Variants in COL24A1 observed in about 807,000 individuals in gnomAD.
COL24A1 encodes collagen alpha-1(XXIV) chain.
COL24A1 carries 224 observed loss-of-function variants against 253.9 expected under a neutral mutation model. The observed-to-expected ratio is 0.88, with a 90% CI of 0.79 to 0.99. COL24A1 has a LOEUF of 0.99. Ranked by LOEUF, COL24A1 falls within the 50% of genes least tolerant of loss-of-function variation. COL24A1 has a pLI of 0.00. For synonymous variants in COL24A1, 685 were observed against 673.7 expected (o/e 1.02, Z -0.26); for missense variants, 2,131 against 2,068.5 (o/e 1.03, Z -0.59).
At chr1:85,856,301 T>C (rs934055967) in intron 37 of COL24A1, among the ~76,000 whole-genome samples, 6 of 152,146 alleles carry the variant, frequency 3.9e-5, no homozygotes. Context: ...TAGATATTTT[T>C]CTAACTTTTT....
At chr1:85,830,221 C>T (rs1297861394) in intron 43 of COL24A1, among the ~76,000 whole-genome samples, 3 of 152,076 alleles carry the variant, frequency 2.0e-5, no homozygotes, top group African/African-American at 7.2e-5. Context: ...GGGTGCCTCC[C>T]AGTTAGGCTG....
intron 53 of COL24A1, among the ~76,000 whole-genome samples, chr1:85,770,780 G>T (rs1458832274): frequency 1.3e-5 from 2 of 152,218 alleles, no homozygotes; most frequent in Non-Finnish European, 2.9e-5. Context: ...AGTAGGGCCA[G>T]TATAAGCTAC....
intron 47 of COL24A1, among the ~76,000 whole-genome samples, chr1:85,787,195 G>T (rs1669770948): frequency 1.4e-5 from 2 of 145,626 alleles, no homozygotes; most frequent in South Asian, 4.4e-4. Flanking sequence ...TTATGGCAGA[G>T]TTTTTTTTTT....
rs527743929 is a variant in COL24A1 at position 86,148,773 on chromosome 1, A to G, written c.57-2590T>C. Among the ~76,000 whole-genome samples, 77 of 152,192 alleles carry G rather than the reference A, an allele frequency of 5.1e-4. No homozygotes were observed. In the South Asian group the frequency reaches 5.8e-3, roughly 12 times the overall value. ...ATTGTTGGACATTTGGGTTGGTTCCAAGTCTTTGCTATTGTGAATAACGCC... is the reference window on the plus strand; with the variant it reads ...ATTGTTGGACATTTGGGTTGGTTCCGAGTCTTTGCTATTGTGAATAACGCC... On this transcript the variant is annotated intron_variant, in intron 1 of 59. Coordinates refer to ENST00000370571, the MANE Select transcript of COL24A1 (RefSeq NM_152890.7).
At chr1:85,901,680 G>A (rs929969908) in intron 28 of COL24A1, among the ~76,000 whole-genome samples, 3 of 151,480 alleles carry the variant, frequency 2.0e-5, no homozygotes, top group Admixed American at 6.6e-5. Flanking sequence ...CATGGTGGCT[G>A]AGTAGCCTGT....
intron 37 of COL24A1, among the ~76,000 whole-genome samples, chr1:85,862,866 G>A (rs972038017): frequency 6.6e-6 from 1 of 152,168 alleles, no homozygotes; most frequent in African/African-American, 2.4e-5. Flanking sequence ...GTCAATGGTA[G>A]CTTGATGGGG....
intron 24 of COL24A1, among the ~76,000 whole-genome samples, chr1:85,921,626 A>G (rs1686506676): frequency 6.6e-6 from 1 of 152,230 alleles, no homozygotes; most frequent in Non-Finnish European, 1.5e-5. Flanking sequence ...TAGCATCAAC[A>G]TCAACGAAAA....
intron 48 of COL24A1, among the ~76,000 whole-genome samples, chr1:85,785,031 AG>A (rs1471856770): frequency 1.3e-5 from 2 of 152,144 alleles, no homozygotes; most frequent in African/African-American, 4.8e-5. Flanking sequence ...GTGCCTGGCC[AG>A]AACTTGTATT....
chr1:86,040,009 A>T (rs1317055870), intron 12 of COL24A1, among the ~76,000 whole-genome samples: 1 of 152,146 alleles, frequency 6.6e-6, no homozygotes, highest in Non-Finnish European at 1.5e-5. Context: ...GGTTTGGCCC[A>T]ATTCATGGAG....
In COL24A1 at chr1:85,977,831, G is replaced by A. The variant is rs577115201; in HGVS notation, c.2365-6438C>T. ...TAGGAAATAATCGAAGAAAACCTCC[G>A]TGGCCTTGCTAGAGATAGAGACATC... On this transcript the variant is annotated intron_variant, in intron 20 of 59. Coordinates refer to ENST00000370571, the MANE Select transcript of COL24A1 (RefSeq NM_152890.7). Among the ~76,000 whole-genome samples the A allele has an allele frequency of 7.9e-5, 12 of 152,226 alleles. No individual in the cohort carries two copies. The South Asian group carries it at 1.0e-3, about 13-fold the overall frequency.
At chr1:86,080,869 C>G (rs1255544632) in intron 7 of COL24A1, among the ~76,000 whole-genome samples, 2 of 152,014 alleles carry the variant, frequency 1.3e-5, no homozygotes, top group Non-Finnish European at 2.9e-5. Context: ...ATCATTTATA[C>G]ACAGATCCTC....
chr1:85,922,998 A>C (rs1686711147), intron 24 of COL24A1, among the ~76,000 whole-genome samples: 1 of 152,204 alleles, frequency 6.6e-6, no homozygotes, highest in Admixed American at 6.5e-5. Flanking sequence ...GGAGAACAAA[A>C]AAAAAAGCAG....
intron 31 of COL24A1, among the ~76,000 whole-genome samples, chr1:85,891,217 ATTTT>A (rs138122213): frequency 1.6e-5 from 2 of 127,108 alleles, no homozygotes; most frequent in African/African-American, 2.9e-5. Flanking sequence ...CGCCCGGCTA[ATTTT>A]TTTTTTTTTT....
chr1:85,872,933 T>C (rs891502597), intron 35 of COL24A1, among the ~76,000 whole-genome samples: 42 of 152,328 alleles, frequency 2.8e-4, no homozygotes, highest in Middle Eastern at 3.4e-3. Context: ...TTTTGCAATC[T>C]ACCCATCTTT....
intron 14 of COL24A1, among the ~76,000 whole-genome samples, chr1:86,024,066 C>T: frequency 6.6e-6 from 1 of 152,090 alleles, no homozygotes; most frequent in East Asian, 1.9e-4. Context: ...AGGCTTCCAT[C>T]AAACTTTCCA....
chr1:85,852,618 T>C (rs1480583885), intron 37 of COL24A1, among the ~76,000 whole-genome samples: 1 of 152,190 alleles, frequency 6.6e-6, no homozygotes, highest in Non-Finnish European at 1.5e-5. Context: ...ATAAAATAAC[T>C]GTCCATTTAT....
intron 24 of COL24A1, among the ~76,000 whole-genome samples, chr1:85,933,766 T>G (rs1558712302): frequency 6.6e-6 from 1 of 152,186 alleles, no homozygotes; most frequent in Non-Finnish European, 1.5e-5. Context: ...ATGGTCATAA[T>G]TTATTTATAT....
rs375700092 is a variant in COL24A1, at chr1:86,034,843, T to G, written c.1951-920A>C. ...CTCTAAAGATTTACCATTCCTCAAC[T>G]TTAAAGCTCACTTTTTAAGAGGCTA... On this transcript the variant is annotated intron_variant, in intron 12 of 59. Coordinates refer to ENST00000370571, the MANE Select transcript of COL24A1 (RefSeq NM_152890.7). Among the ~76,000 whole-genome samples, 394 of 152,234 alleles carry G rather than the reference T, an allele frequency of 2.6e-3. 2 individuals are homozygous for G. Among genetic ancestry groups the G allele is most frequent in the African/African-American group, 9.1e-3 (380 of 41,568 alleles).
intron 52 of COL24A1, among the ~76,000 whole-genome samples, chr1:85,777,269 A>C (rs1668639344): frequency 6.6e-6 from 1 of 152,086 alleles, no homozygotes; most frequent in Non-Finnish European, 1.5e-5. Flanking sequence ...AGATATCTAC[A>C]CAGCACTTTA....
Sources: gnomAD v4.1 joint callset for allele counts (sites outside exome capture counted in the v4.1 genomes callset) on GRCh38, gnomAD v4.1.1 for gene constraint, MANE v1.5 for transcripts, NCBI Gene and HGNC (gene_info 2026-07-23, HGNC 2026-07-21) for gene names.